Variants in GGTA1 observed in about 807,000 individuals in gnomAD.
GGTA1 encodes glycoprotein alpha-galactosyltransferase 1 (inactive).
Under a neutral mutation model 2.6 loss-of-function variants are expected in GGTA1, and 5 were observed. The ratio of observed to expected loss-of-function variants is 1.92; its 90% CI spans 1.00 to 4.04. The LOEUF (loss-of-function observed/expected upper bound fraction) is 4.04. GGTA1 is among the 30% of genes most tolerant of loss of function. The probability of loss-of-function intolerance (pLI) is 0.00; values close to 1 mark genes in which losing one functional copy is unlikely to be tolerated. For missense variants in GGTA1, 50 were observed against 16.7 expected, an observed-to-expected ratio of 2.99 and a Z score of -3.47; for synonymous variants, 17 against 5.0, an observed-to-expected ratio of 3.38 and a Z score of -3.19.
At chr9:121,480,740 T>A (rs1828625705) in intron 1 of GGTA1, among the ~76,000 whole-genome samples, 1 of 152,192 alleles carries the variant, frequency 6.6e-6, no homozygotes, top group Non-Finnish European at 1.5e-5. Context: ...CTTGCTTAAA[T>A]CCTTCCTGTG....
intron 1 of GGTA1, among the ~76,000 whole-genome samples, chr9:121,474,143 C>A (rs1564654741): frequency 6.6e-6 from 1 of 152,148 alleles, no homozygotes; most frequent in Non-Finnish European, 1.5e-5. Flanking sequence ...GAGAGTGGAA[C>A]CCTGATGTCC....
intron 1 of GGTA1, among the ~76,000 whole-genome samples, chr9:121,483,210 C>T (rs1828691048): frequency 6.6e-6 from 1 of 152,092 alleles, no homozygotes; most frequent in Non-Finnish European, 1.5e-5. Context: ...TTTCAAAGGT[C>T]AACATACAGA....
At chr9:121,450,074 T>C (rs2064871145), downstream of GGTA1, among the ~76,000 whole-genome samples, 1 of 152,204 alleles carries the variant, frequency 6.6e-6, no homozygotes, top group Non-Finnish European at 1.5e-5. Flanking sequence ...GTAAAGTGAA[T>C]GGCACTTCTT....
intron 1 of GGTA1, among the ~76,000 whole-genome samples, chr9:121,471,262 T>C (rs1200020990): frequency 6.9e-6 from 1 of 145,356 alleles, no homozygotes. Context: ...GGGCTCCCCC[T>C]GTCTATTCAC....
At chr9:121,478,997 A>G (rs1393626091) in intron 1 of GGTA1, 2 of 443,784 alleles carry the variant, frequency 4.5e-6, no homozygotes, top group African/African-American at 4.1e-5. Context: ...TTCAGGAAAA[A>G]CTCCAGGCTG....
intron 1 of GGTA1, among the ~76,000 whole-genome samples, chr9:121,493,691 C>G (rs949733641): frequency 6.6e-6 from 1 of 151,664 alleles, no homozygotes; most frequent in African/African-American, 2.4e-5. Context: ...CTATTCAACC[C>G]TCTTGACCAC....
intron 2 of GGTA1, among the ~76,000 whole-genome samples, chr9:121,466,690 C>T (rs920967805): frequency 1.3e-5 from 2 of 152,084 alleles, no homozygotes; most frequent in Admixed American, 6.6e-5. Context: ...TGGTGGCTCA[C>T]GCCTGTAATC....
intron 2 of GGTA1, among the ~76,000 whole-genome samples, chr9:121,464,805 A>T (rs2118683822): frequency 6.6e-6 from 1 of 152,266 alleles, no homozygotes; most frequent in African/African-American, 2.4e-5. Flanking sequence ...TCCAGCCTGA[A>T]ATCAAATGCT....
intron 1 of GGTA1, among the ~76,000 whole-genome samples, chr9:121,499,205 C>A (rs1829054983): frequency 6.6e-6 from 1 of 152,044 alleles, no homozygotes; most frequent in Admixed American, 6.5e-5. Context: ...TCCCAGATTC[C>A]CCTTCCCAGA....
At chr9:121,495,783 C>T (rs1828979155) in intron 1 of GGTA1, among the ~76,000 whole-genome samples, 1 of 152,216 alleles carries the variant, frequency 6.6e-6, no homozygotes, top group African/African-American at 2.4e-5. Flanking sequence ...CCCTTACTCT[C>T]TCAGCTAGTG....
Position 121,463,320 on chromosome 9 carries a change from C to A in GGTA1, c.89G>T (p.Gly30Val), listed in dbSNP as rs77378583. The change falls in exon 3 of 6, where the codon GGC (glycine) becomes GTC (valine). Residue 30 changes from glycine to valine, a missense_variant. By Grantham distance (109) the Gly-to-Val change is moderately radical. Coordinates refer to ENST00000481799, the MANE Select transcript of GGTA1 (RefSeq NM_001382585.1). ...VFWEFINSTE[G>V]SFLWIYHSKN... ...TGAGTGATATATCCACAAGAAAGAG[C>A]CTTCTGTGCTAAAAGCAAAAAAGAA... The A allele has an allele frequency of 6.7e-6, 3 of 450,326 alleles. No homozygotes were observed. Among genetic ancestry groups the A allele is most frequent in the African/African-American group, 2.0e-5 (1 of 49,686 alleles). The allele number at this position is 450,326 out of a possible 1,614,324, so 27.9% of individuals were successfully genotyped here.
intron 1 of GGTA1, among the ~76,000 whole-genome samples, chr9:121,490,174 C>T (rs746105040): frequency 5.9e-5 from 9 of 152,194 alleles, no homozygotes; most frequent in Non-Finnish European, 1.2e-4. Flanking sequence ...GGTGGAATTA[C>T]TAGTACTTCT....
At chr9:121,453,729 G>A (rs2064890633), downstream of GGTA1, among the ~76,000 whole-genome samples, 3 of 152,218 alleles carry the variant, frequency 2.0e-5, no homozygotes. Context: ...GGAGACGTTA[G>A]CAAATACGTC....
intron 1 of GGTA1, among the ~76,000 whole-genome samples, chr9:121,497,865 T>C (rs1829025698): frequency 6.6e-6 from 1 of 151,886 alleles, no homozygotes; most frequent in African/African-American, 2.4e-5. Context: ...GGAGTTGGAG[T>C]GTAGGAGAGC....
At chr9:121,460,556 C>T (rs1280944084) in intron 4 of GGTA1, among the ~76,000 whole-genome samples, 3 of 152,158 alleles carry the variant, frequency 2.0e-5, no homozygotes, top group African/African-American at 7.2e-5. Context: ...GCAATCTAAA[C>T]TTTAGCCCAG....
At chr9:121,463,662 T>A (rs558442853) in intron 2 of GGTA1, among the ~76,000 whole-genome samples, 1 of 152,278 alleles carries the variant, frequency 6.6e-6, no homozygotes, top group African/African-American at 2.4e-5. Context: ...GTGCTGGGAT[T>A]ACAGGTGTGA....
At chr9:121,497,580 G>T (rs997138990) in intron 1 of GGTA1, among the ~76,000 whole-genome samples, 5 of 151,916 alleles carry the variant, frequency 3.3e-5, no homozygotes, top group Non-Finnish European at 7.4e-5. Flanking sequence ...AGCCCCTCAG[G>T]CTCCAGTCTT....
At chr9:121,464,607 C>CAAAACA (rs1294950022) in intron 2 of GGTA1, among the ~76,000 whole-genome samples, 1 of 136,190 alleles carries the variant, frequency 7.3e-6, no homozygotes, top group Admixed American at 7.6e-5. Flanking sequence ...GACTCCATCT[C>CAAAACA]AAAACAAAAA....
rs1186399937 is a variant in GGTA1 at position 121,476,992 on chromosome 9, C to T, written c.-9-9061G>A. On this transcript the variant is annotated intron_variant, in intron 1 of 5. Coordinates refer to ENST00000481799, the MANE Select transcript of GGTA1 (RefSeq NM_001382585.1). The surrounding 1 kb of genome is among the most constrained non-coding windows in gnomAD (Gnocchi z 4.6). ...TGGACCTTGTTGAGCACCTGGGCCC[C>T]TCCTCCTTTGGCCTCAAGAAGAAGG... Among the ~76,000 whole-genome samples the T allele has an allele frequency of 6.6e-6, 1 of 152,182 alleles. No individual in the cohort carries two copies. Among genetic ancestry groups the T allele is most frequent in the African/African-American group, 2.4e-5 (1 of 41,444 alleles).
Sources: gnomAD v4.1 joint callset for allele counts (sites outside exome capture counted in the v4.1 genomes callset) on GRCh38, gnomAD v4.1.1 for gene constraint, Gnocchi (gnomAD v3.1) non-coding constraint, MANE v1.5 for transcripts, NCBI Gene and HGNC (gene_info 2026-07-23, HGNC 2026-07-21) for gene names.